The following FREM1 variants were observed in gnomAD, a reference collection of about 807,000 sequenced individuals.
The protein encoded by FREM1 is FRAS1-related extracellular matrix protein 1.
FREM1 carries 220 observed loss-of-function variants against 210.1 expected under a neutral mutation model. The observed-to-expected ratio is 1.05, with a 90% CI of 0.94 to 1.17. The LOEUF is 1.17. FREM1 is among the 50% of genes most tolerant of loss of function. The pLI, the probability that FREM1 is intolerant of heterozygous loss-of-function variation, is 0.00. For missense variants in FREM1, 3,454 were observed against 2,675.5 expected (o/e 1.29, Z -6.42); for synonymous variants, 1,189 against 980.2 (o/e 1.21, Z -3.98).
chr9:14,853,192 G>A (rs1828085334), intron 5 of FREM1, among the ~76,000 whole-genome samples: 1 of 152,188 alleles, frequency 6.6e-6, no homozygotes, highest in Admixed American at 6.5e-5. Context: ...ATCTGAGGAA[G>A]CTAACTGGCT....
chr9:14,738,925 G>C (rs541823298), intron 36 of FREM1, among the ~76,000 whole-genome samples: 1 of 143,076 alleles, frequency 7.0e-6, no homozygotes, highest in South Asian at 2.2e-4. Context: ...GAGGAGAATT[G>C]CTTGAACCCA....
intron 22 of FREM1, among the ~76,000 whole-genome samples, chr9:14,791,490 G>A (rs1851307363): frequency 6.6e-6 from 1 of 152,166 alleles, no homozygotes; most frequent in Non-Finnish European, 1.5e-5. Context: ...ATGCTAGCAG[G>A]ATGGGATGAC....
At chr9:14,798,565 A>T (rs553130084) in intron 20 of FREM1, among the ~76,000 whole-genome samples, 2 of 152,302 alleles carry the variant, frequency 1.3e-5, no homozygotes, top group East Asian at 3.9e-4. Context: ...AGCTATGATC[A>T]TCCCACTTCA....
chr9:14,737,301 A>G lies in FREM1; in HGVS notation c.*95T>C, dbSNP rs1202631159. On this transcript the variant is annotated 3_prime_UTR_variant, in exon 37 of 37. Transcript: ENST00000380880. ...AGAATCACAAAGGTATACCCACTCA[A>G]TCATAACAATTTGTTTTCTATGGAG... 9 of 863,910 alleles carry G rather than the reference A, an allele frequency of 1.0e-5. No homozygotes were observed. In the East Asian group the frequency reaches 1.0e-4, roughly 10 times the overall value. 53.5% of individuals were successfully genotyped at this position (863,910 alleles called of 1,614,324 possible).
rs1848072916 is a variant in FREM1 at position 14,773,998 on chromosome 9, T to G, written c.4857+1791A>C. 6.4e-6 allele frequency: 3 copies of G among 470,462 alleles called. No homozygotes were observed. In the Admixed American group the frequency reaches 6.6e-5, roughly 10 times the overall value. The allele number at this position is 470,462 out of a possible 1,614,324, so 29.1% of individuals were successfully genotyped here. A position where few individuals can be genotyped will look rare whatever the true frequency, so the allele number is the denominator to read the frequency against. Reference sequence around the variant, plus strand: ...ACACTAACAGACTGAAAAGGGAAAGTGACTAAGATCAATTAAAACATATGA... The same window carrying G: ...ACACTAACAGACTGAAAAGGGAAAGGGACTAAGATCAATTAAAACATATGA... On this transcript the variant is annotated intron_variant, in intron 25 of 36. Transcript: ENST00000380880.
chr9:14,758,622 A>T (rs1383237952), intron 28 of FREM1, among the ~76,000 whole-genome samples: 1 of 146,702 alleles, frequency 6.8e-6, no homozygotes, highest in Admixed American at 6.7e-5. Flanking sequence ...GAGACTTAAT[A>T]GAAATGGCCT....
chr9:14,830,771 G>A (rs1823412406), intron 10 of FREM1, among the ~76,000 whole-genome samples: 1 of 152,138 alleles, frequency 6.6e-6, no homozygotes, highest in Admixed American at 6.5e-5. Flanking sequence ...CGGCATGAGG[G>A]CCAAGACCCT....
At chr9:14,859,506 A>G (rs376759386) in intron 3 of FREM1, 22 bp from the exon 4 acceptor site, 1 of 1,590,428 alleles carries the variant, frequency 6.3e-7, no homozygotes, top group East Asian at 2.2e-5. Context: ...ACAGGGCAAA[A>G]GCAATATTAA....
chr9:14,804,539 C>T (rs2133366481), intron 19 of FREM1, among the ~76,000 whole-genome samples: 1 of 152,204 alleles, frequency 6.6e-6, no homozygotes, highest in East Asian at 1.9e-4. Flanking sequence ...GAGCCGAGGT[C>T]GCGCCACTGC....
Position 14,806,778 on chromosome 9 carries a change from G to A in FREM1, c.3157C>T (p.Pro1053Ser). ...TCCAAGTCATCTGCTGCAGTGTCAG[G>A]GTCAGTGGCGGACAAATGGTTAACA... ...LTVNHLSATDPDTAADDLEFV... is the reference protein window; with the variant it reads ...LTVNHLSATDSDTAADDLEFV... The change falls in exon 18 of 37, where the codon CCT (proline) becomes TCT (serine). Residue 1053 changes from proline (P) to serine (S), a missense_variant. Pro to Ser is a moderately conservative substitution (Grantham distance 74). Transcript: ENST00000380880. The A allele has an allele frequency of 6.2e-7, 1 of 1,607,102 alleles. No homozygotes were observed. Among genetic ancestry groups the A allele is most frequent in the Non-Finnish European group, 8.5e-7 (1 of 1,176,534 alleles).
chr9:14,812,866 C>A lies in FREM1; in HGVS notation c.2839G>T (p.Asp947Tyr), dbSNP rs200811701. 62 of 1,613,792 alleles carry A rather than the reference C, an allele frequency of 3.8e-5. No homozygotes were observed. The East Asian group carries it at 9.4e-4, about 24-fold the overall frequency. Residue 947 changes from aspartate to tyrosine, a missense_variant, in exon 16 of 37, where the codon GAT (aspartate) becomes TAT (tyrosine). Coordinates refer to ENST00000380880, the MANE Select transcript of FREM1 (RefSeq NM_001379081.2). ...ATAACATCTCTCTGAGAGAACTGATCCACTGTGACTCCAGCTCTCCTCACC... is the reference window on the plus strand; with the variant it reads ...ATAACATCTCTCTGAGAGAACTGATACACTGTGACTCCAGCTCTCCTCACC... Reference protein sequence around the residue: ...GVVRRAGVTVDQFSQRDVISE... With the variant: ...GVVRRAGVTVYQFSQRDVISE...
At chr9:14,840,310 C>G (rs906715601) in intron 10 of FREM1, among the ~76,000 whole-genome samples, 1 of 152,142 alleles carries the variant, frequency 6.6e-6, no homozygotes, top group Admixed American at 6.5e-5. Context: ...GCAAAATGTA[C>G]GTACATAGTA....
intron 24 of FREM1, among the ~76,000 whole-genome samples, chr9:14,781,610 C>A (rs1367464415): frequency 6.6e-6 from 1 of 152,312 alleles, no homozygotes; most frequent in East Asian, 1.9e-4. Context: ...AACACCCACA[C>A]ACACTCACAC....
At chr9:14,888,940 C>T (rs1836295915) in intron 1 of FREM1, among the ~76,000 whole-genome samples, 1 of 152,062 alleles carries the variant, frequency 6.6e-6, no homozygotes, top group South Asian at 2.1e-4. Context: ...CTTTTCAATA[C>T]CCCCAAAGAG....
chr9:14,870,290 G>A (rs1832365448), intron 1 of FREM1, among the ~76,000 whole-genome samples: 2 of 152,120 alleles, frequency 1.3e-5, no homozygotes, highest in African/African-American at 4.8e-5. Flanking sequence ...CACTTTTGAG[G>A]CAGTGCCTGA....
At chr9:14,858,208 G>A (rs2131539995) in intron 4 of FREM1, among the ~76,000 whole-genome samples, 1 of 152,172 alleles carries the variant, frequency 6.6e-6, no homozygotes, top group Middle Eastern at 3.4e-3. Flanking sequence ...GGTCCACCTG[G>A]TCTTTTTACT....
At chr9:14,898,979 T>TA (rs1461805385) in intron 1 of FREM1, among the ~76,000 whole-genome samples, 11 of 152,216 alleles carry the variant, frequency 7.2e-5, no homozygotes, top group Admixed American at 1.3e-4. Context: ...TACTAATTTA[T>TA]AAAAAGTTGT....
chr9:14,803,192 C>T (rs1295311646), intron 19 of FREM1, among the ~76,000 whole-genome samples: 1 of 139,246 alleles, frequency 7.2e-6, no homozygotes, highest in Admixed American at 7.4e-5. Context: ...CCTTCCCTTC[C>T]TCCCTCCCTC....
In FREM1 at chr9:14,807,962, G is replaced by C. The variant is rs150856430; in HGVS notation, c.3066C>G (p.Asn1022Lys). ...DLNITVYPVD[N>K]QPPSIAIGPV... ...CACCTATTGCAATGGAAGGTGGCTG[G>C]TTGTCTACTGGGTATACCGTGATGT... The change falls in exon 17 of 37, where the codon AAC becomes AAG. Residue 1022 changes from asparagine (N) to lysine (K), a missense_variant. By Grantham distance (94) the Asn-to-Lys change is moderately conservative. Coordinates refer to ENST00000380880, the MANE Select transcript of FREM1 (RefSeq NM_001379081.2). The C allele has an allele frequency of 3.1e-6, 5 of 1,613,212 alleles. No individual in the cohort carries two copies. The African/African-American group carries it at 5.3e-5, about 17-fold the overall frequency.
Sources: gnomAD v4.1 joint callset for allele counts (sites outside exome capture counted in the v4.1 genomes callset) on GRCh38, gnomAD v4.1.1 for gene constraint, MANE v1.5 for transcripts, NCBI Gene and HGNC (gene_info 2026-07-23, HGNC 2026-07-21) for gene names.